The following HSD17B12 variants were observed in gnomAD, a reference collection of about 807,000 sequenced individuals.
The protein encoded by HSD17B12 is hydroxysteroid 17-beta dehydrogenase 12.
A neutral mutation model predicts 39.3 loss-of-function variants in HSD17B12; 32 were observed. That is an observed-to-expected ratio of 0.81 (90% CI 0.61 to 1.09). HSD17B12 has a LOEUF of 1.09. Ranked by LOEUF, HSD17B12 falls within the 50% of genes least tolerant of loss-of-function variation. The pLI is 0.00. For missense variants in HSD17B12, 342 were observed against 382.9 expected (o/e 0.89, Z 0.89); for synonymous variants, 150 against 146.7 (o/e 1.02, Z -0.16).
chr11:43,815,421 T>C lies in HSD17B12; in HGVS notation c.392-16T>C, dbSNP rs373234864. ...TATGCATATGTTACTCAGCTAATCA[T>C]CTTGTTCTATTTCAGTGAACAACGT... On this transcript the variant is annotated splice_polypyrimidine_tract_variant and intron_variant, in intron 4 of 10. Transcript: ENST00000278353. The C allele has an allele frequency of 2.6e-6, 4 of 1,509,498 alleles. No individual in the cohort carries two copies. The highest frequency in any genetic ancestry group is 1.3e-5 in the South Asian group (1 of 78,790). The allele number at this position is 1,509,498 out of a possible 1,614,324, so 93.5% of individuals were successfully genotyped here. A position where few individuals can be genotyped will look rare whatever the true frequency, so the allele number is the denominator to read the frequency against.
At chr11:43,577,706 C>G in the HSD17B12 span, among the ~76,000 whole-genome samples, 3 of 151,984 alleles carry the variant, frequency 2.0e-5, no homozygotes, top group Non-Finnish European at 2.9e-5. Flanking sequence ...GCATGCTAGT[C>G]ATAGAAGCCC....
At chr11:43,567,866 A>C in the HSD17B12 span, among the ~76,000 whole-genome samples, 1 of 152,174 alleles carries the variant, frequency 6.6e-6, no homozygotes, top group Non-Finnish European at 1.5e-5. Context: ...TGAAGGGATT[A>C]AATAAGTTCC....
chr11:43,750,215 C>T (rs769976642), intron 1 of HSD17B12, among the ~76,000 whole-genome samples: 6 of 152,082 alleles, frequency 3.9e-5, no homozygotes, highest in African/African-American at 7.2e-5. Context: ...GGAAGATTCC[C>T]GTATTGCCCT....
chr11:43,658,499 C>G, the HSD17B12 span, among the ~76,000 whole-genome samples: 2 of 152,166 alleles, frequency 1.3e-5, no homozygotes, highest in Non-Finnish European at 2.9e-5. Flanking sequence ...TTTTTCTGCT[C>G]TGTTTTTTCC....
chr11:43,651,581 GTTGA>G, the HSD17B12 span, among the ~76,000 whole-genome samples: 158 of 152,196 alleles, frequency 1.0e-3, no homozygotes, highest in Non-Finnish European at 1.9e-3. Context: ...AAATCCATTG[GTTGA>G]TTGATTGATT....
At chr11:43,619,812 A>C in the HSD17B12 span, among the ~76,000 whole-genome samples, 1 of 152,198 alleles carries the variant, frequency 6.6e-6, no homozygotes, top group Non-Finnish European at 1.5e-5. Context: ...TGCTTCTTGG[A>C]ACATCTTCCT....
chr11:43,688,200 A>G lies in HSD17B12; in HGVS notation c.160+7213A>G, dbSNP rs183132129. Among the ~76,000 whole-genome samples, 46 of 151,792 alleles carry G rather than the reference A, an allele frequency of 3.0e-4. No homozygotes were observed. In the Middle Eastern group the frequency reaches 0.01, roughly 34 times the overall value. ...GCGCTCCAGAGTGGGCAACTGAGCA[A>G]CACTCTGTCTCAAAAAAAAAAAAAA... On this transcript the variant is annotated intron_variant, in intron 1 of 10. Transcript: ENST00000278353.
intron 1 of HSD17B12, among the ~76,000 whole-genome samples, chr11:43,741,959 C>T (rs1386857433): frequency 6.7e-6 from 1 of 150,200 alleles, no homozygotes; most frequent in Non-Finnish European, 1.5e-5. Context: ...TGGTCTTGAT[C>T]TCCTGACCTC....
At chr11:43,614,974 G>A in the HSD17B12 span, among the ~76,000 whole-genome samples, 1 of 151,762 alleles carries the variant, frequency 6.6e-6, no homozygotes, top group Admixed American at 6.6e-5. Context: ...TCTCCCCTTG[G>A]TTATGGGTCA....
intron 7 of HSD17B12, among the ~76,000 whole-genome samples, chr11:43,834,526 A>G (rs1951348538): frequency 1.3e-5 from 2 of 152,222 alleles, no homozygotes; most frequent in Admixed American, 1.3e-4. Flanking sequence ...TAAGGAAGGT[A>G]GAAAACAGTG....
intron 1 of HSD17B12, among the ~76,000 whole-genome samples, chr11:43,718,510 T>C (rs1383031101): frequency 6.6e-6 from 1 of 152,148 alleles, no homozygotes; most frequent in Non-Finnish European, 1.5e-5. Context: ...CCATCCAACA[T>C]ACAGTGGTGA....
At chr11:43,620,928 G>T in the HSD17B12 span, among the ~76,000 whole-genome samples, 1 of 152,190 alleles carries the variant, frequency 6.6e-6, no homozygotes, top group Non-Finnish European at 1.5e-5. Flanking sequence ...CACTTGTAGG[G>T]TATAAGAGGA....
At chr11:43,795,757 G>A (rs1253278519) in intron 3 of HSD17B12, among the ~76,000 whole-genome samples, 2 of 152,184 alleles carry the variant, frequency 1.3e-5, no homozygotes, top group Admixed American at 1.3e-4. Flanking sequence ...TTGAGCAACT[G>A]AACAAAACAG....
chr11:43,757,639 CAAAAAAAAAAAAAA>C (rs60598991), intron 3 of HSD17B12, among the ~76,000 whole-genome samples: 2 of 7,198 alleles, frequency 2.8e-4, no homozygotes, highest in Non-Finnish European at 5.9e-4. Flanking sequence ...GACTCCGTCT[CAAAAAAAAAAAAAA>C]AAAAAAAAAA....
At chr11:43,688,424 G>T (rs1949822319) in intron 1 of HSD17B12, among the ~76,000 whole-genome samples, 1 of 152,136 alleles carries the variant, frequency 6.6e-6, no homozygotes, top group Non-Finnish European at 1.5e-5. Flanking sequence ...CGTTGTCATG[G>T]TAACTCCATA....
the HSD17B12 span, among the ~76,000 whole-genome samples, chr11:43,587,423 A>G: frequency 1.3e-5 from 2 of 152,138 alleles, no homozygotes; most frequent in East Asian, 3.8e-4. Flanking sequence ...TAAGGCCTAC[A>G]TTTTACAATA....
In HSD17B12 at chr11:43,775,419, C is replaced by T. The variant is rs572989674; in HGVS notation, c.283+21298C>T. Among the ~76,000 whole-genome samples the T allele has an allele frequency of 1.2e-4, 19 of 152,164 alleles. No homozygotes were observed. The South Asian group carries it at 3.7e-3, about 30-fold the overall frequency. On this transcript the variant is annotated intron_variant, in intron 3 of 10. Coordinates refer to ENST00000278353, the MANE Select transcript of HSD17B12 (RefSeq NM_016142.3). ...TGGATCCAGGTGCCCAACTACAGAG[C>T]GTGCTGTCGGGGATCATTTGGTGGC...
At chr11:43,577,980 T>C in the HSD17B12 span, among the ~76,000 whole-genome samples, 2 of 152,160 alleles carry the variant, frequency 1.3e-5, no homozygotes, top group Non-Finnish European at 2.9e-5. Context: ...TGGCCGAATC[T>C]GTGGCCAGAC....
the HSD17B12 span, among the ~76,000 whole-genome samples, chr11:43,674,302 G>A: frequency 6.6e-6 from 1 of 152,268 alleles, no homozygotes; most frequent in African/African-American, 2.4e-5. Context: ...ACTGTGGTTC[G>A]TAAAATTTAT....
Sources: allele counts gnomAD v4.1 joint callset (sites outside exome capture counted in the v4.1 genomes callset), GRCh38; gene constraint gnomAD v4.1.1; transcripts MANE v1.5; gene names NCBI Gene and HGNC (gene_info 2026-07-23, HGNC 2026-07-21).